The following PCDH9 variants were observed in gnomAD, a reference collection of about 807,000 sequenced individuals.
PCDH9 encodes the protein protocadherin 9.
PCDH9 carries 24 observed loss-of-function variants against 70.6 expected under a neutral mutation model. That is an observed-to-expected ratio of 0.34 (90% CI 0.25 to 0.48). The LOEUF (loss-of-function observed/expected upper bound fraction) is 0.48. Ranked by LOEUF, PCDH9 falls within the 20% of genes least tolerant of loss-of-function variation. The probability of loss-of-function intolerance (pLI) is 0.99; values close to 1 mark genes in which losing one functional copy is unlikely to be tolerated. For missense variants in PCDH9, 1,281 were observed against 1,503.6 expected (o/e 0.85, Z 2.45); for synonymous variants, 562 against 558.5 (o/e 1.01, Z -0.09).
chr13:66,881,784 C>T (rs1413597080), intron 3 of PCDH9, among the ~76,000 whole-genome samples: 3 of 152,020 alleles, frequency 2.0e-5, no homozygotes, highest in Admixed American at 2.0e-4. Context: ...TTCTTGAATT[C>T]ATAACCATAG....
At chr13:67,202,695 T>TG (rs1405463475) in intron 2 of PCDH9, 2 of 152,138 alleles carry the variant, frequency 1.3e-5, no homozygotes, top group African/African-American at 4.8e-5. Flanking sequence ...GGCATAAAAC[T>TG]GTAAAACAGG....
intron 3 of PCDH9, among the ~76,000 whole-genome samples, chr13:66,827,581 G>A (rs550974694): frequency 5.3e-4 from 81 of 152,212 alleles, no homozygotes; most frequent in African/African-American, 1.9e-3. Flanking sequence ...TTTGAAGGTG[G>A]AGTTGGCAGG....
At chr13:66,524,150 C>A (rs1356341506) in intron 4 of PCDH9, among the ~76,000 whole-genome samples, 1 of 148,166 alleles carries the variant, frequency 6.7e-6, no homozygotes, top group African/African-American at 2.4e-5. Flanking sequence ...TTGTCACAAA[C>A]AATTTGCAAG....
Position 66,929,429 on chromosome 13 carries a change from T to G in PCDH9, c.3037-25824A>C, listed in dbSNP as rs1049662929. On this transcript the variant is annotated intron_variant, in intron 2 of 4. Coordinates refer to ENST00000377865, the MANE Select transcript of PCDH9 (RefSeq NM_203487.3). ...ACCTCCACCTCCCGGGTTCAAGCAA[T>G]TCTTCTGCCTCAGCCTCCCTTGTAA... 5.3e-5 allele frequency among the ~76,000 whole-genome samples: 8 copies of G among 152,236 alleles called. No individual in the cohort carries two copies. In the South Asian group the frequency reaches 1.7e-3, roughly 32 times the overall value.
At chr13:66,648,734 G>T (rs553983682) in intron 3 of PCDH9, among the ~76,000 whole-genome samples, 1 of 151,794 alleles carries the variant, frequency 6.6e-6, no homozygotes, top group African/African-American at 2.4e-5. Flanking sequence ...AACTAAAAAA[G>T]GCATCAAGGA....
At chr13:66,323,704 T>G (rs948483207) in intron 4 of PCDH9, 1 of 151,686 alleles carries the variant, frequency 6.6e-6, no homozygotes, top group Non-Finnish European at 1.5e-5. Context: ...TTTTTAAACC[T>G]ATGGCGGCAT....
chr13:67,090,171 C>T (rs539693697), intron 2 of PCDH9, among the ~76,000 whole-genome samples: 62 of 152,034 alleles, frequency 4.1e-4, no homozygotes, highest in Non-Finnish European at 7.4e-4. Context: ...ATGAAGACTA[C>T]AGTTGAACAA....
At chr13:67,095,488 A>G (rs2086301480) in intron 2 of PCDH9, among the ~76,000 whole-genome samples, 1 of 152,208 alleles carries the variant, frequency 6.6e-6, no homozygotes, top group South Asian at 2.1e-4. Context: ...ACTGCCCATG[A>G]TGACATCTTC....
intron 4 of PCDH9, among the ~76,000 whole-genome samples, chr13:66,466,574 T>G (rs966485430): frequency 6.6e-6 from 1 of 152,068 alleles, no homozygotes; most frequent in Non-Finnish European, 1.5e-5. Context: ...CACTTTCATG[T>G]GCTTTGTCTT....
intron 2 of PCDH9, among the ~76,000 whole-genome samples, chr13:67,073,675 C>G (rs2085813558): frequency 6.6e-6 from 1 of 151,922 alleles, no homozygotes; most frequent in African/African-American, 2.4e-5. Flanking sequence ...TTTTGAAGCT[C>G]TCCTGGTATG....
intron 4 of PCDH9, among the ~76,000 whole-genome samples, chr13:66,418,277 T>C (rs769475908): frequency 1.3e-5 from 2 of 152,198 alleles, no homozygotes; most frequent in East Asian, 3.9e-4. Context: ...CTTTCCCCAT[T>C]GCTTGTTTTG....
Position 66,789,769 on chromosome 13 carries a change from TGAAAG to T in PCDH9, c.3138+113730_3138+113734del, listed in dbSNP as rs535600208. 2.0e-4 allele frequency among the ~76,000 whole-genome samples: 30 copies of T among 152,292 alleles called. No homozygotes were observed. In the South Asian group the frequency reaches 5.0e-3, roughly 25 times the overall value. The stretch of plus-strand genomic sequence containing the variant: ...TTCTTTTGTACAATATCTGGCATTG[TGAAAG>T]GCAAGCTCCATAAGAATAGAATTTT... On this transcript the variant is annotated intron_variant, in intron 3 of 4. Coordinates refer to ENST00000377865, the MANE Select transcript of PCDH9 (RefSeq NM_203487.3).
chr13:67,025,312 C>T (rs913457583), intron 2 of PCDH9, among the ~76,000 whole-genome samples: 3 of 152,104 alleles, frequency 2.0e-5, no homozygotes, highest in Non-Finnish European at 4.4e-5. Context: ...TATAATAAAA[C>T]ATCAACCAAC....
intron 3 of PCDH9, among the ~76,000 whole-genome samples, chr13:66,680,436 A>T (rs1205445165): frequency 6.6e-6 from 1 of 151,958 alleles, no homozygotes; most frequent in East Asian, 1.9e-4. Context: ...TAACCTGGAC[A>T]GTTTTATTTG....
intron 2 of PCDH9, chr13:67,223,697 T>C (rs895451208): frequency 6.6e-6 from 1 of 152,162 alleles, no homozygotes; most frequent in Non-Finnish European, 1.5e-5. Context: ...TTTCAAATAC[T>C]AACAAAGTTA....
At chr13:67,032,769 T>C (rs1566376475) in intron 2 of PCDH9, among the ~76,000 whole-genome samples, 1 of 152,208 alleles carries the variant, frequency 6.6e-6, no homozygotes, top group Non-Finnish European at 1.5e-5. Flanking sequence ...GTTCCTAATA[T>C]ATCACAAAAT....
chr13:66,961,839 T>C (rs2083351849), intron 2 of PCDH9, among the ~76,000 whole-genome samples: 1 of 151,224 alleles, frequency 6.6e-6, no homozygotes, highest in African/African-American at 2.4e-5. Flanking sequence ...GCTCACGAGA[T>C]CAGGAGTTTG....
At chr13:66,419,667 G>C (rs907798798) in intron 4 of PCDH9, among the ~76,000 whole-genome samples, 2 of 152,044 alleles carry the variant, frequency 1.3e-5, no homozygotes, top group African/African-American at 4.8e-5. Flanking sequence ...CATAGACCAG[G>C]AGATTCCCTC....
At chr13:66,945,707 T>C (rs569783546) in intron 2 of PCDH9, among the ~76,000 whole-genome samples, 5 of 152,292 alleles carry the variant, frequency 3.3e-5, no homozygotes, top group African/African-American at 1.2e-4. Flanking sequence ...ATTCATTAAA[T>C]ATACCACAGT....
Sources: gnomAD v4.1 joint callset for allele counts (sites outside exome capture counted in the v4.1 genomes callset) on GRCh38, gnomAD v4.1.1 for gene constraint, MANE v1.5 for transcripts, NCBI Gene and HGNC (gene_info 2026-07-23, HGNC 2026-07-21) for gene names.